Variants in PPM1H observed in about 807,000 individuals in gnomAD.
The protein encoded by PPM1H is protein phosphatase 1H.
PPM1H carries 27 observed loss-of-function variants against 54.9 expected under a neutral mutation model. That is an observed-to-expected ratio of 0.49 (90% confidence interval 0.36 to 0.68). PPM1H has a LOEUF of 0.68. Ranked by LOEUF, PPM1H falls within the 30% of genes least tolerant of loss-of-function variation. The pLI, the probability that PPM1H is intolerant of heterozygous loss-of-function variation, is 0.00. For synonymous variants in PPM1H, 305 were observed against 270.8 expected, an observed-to-expected ratio of 1.13 and a Z score of -1.24; for missense variants, 596 against 667.8, an observed-to-expected ratio of 0.89 and a Z score of 1.19.
At chr12:62,896,814 G>A (rs918230411) in intron 1 of PPM1H, among the ~76,000 whole-genome samples, 19 of 152,038 alleles carry the variant, frequency 1.2e-4, no homozygotes, top group African/African-American at 3.9e-4. Flanking sequence ...TGTTTATTGC[G>A]GCACTATTCA....
intron 4 of PPM1H, among the ~76,000 whole-genome samples, chr12:62,778,886 A>G (rs1452040799): frequency 1.3e-5 from 2 of 152,016 alleles, no homozygotes; most frequent in Admixed American, 6.6e-5. Flanking sequence ...AGCTATGACC[A>G]TGCTACTGCA....
At chr12:62,885,450 C>G (rs763433395) in intron 1 of PPM1H, among the ~76,000 whole-genome samples, 1 of 152,176 alleles carries the variant, frequency 6.6e-6, no homozygotes, top group Non-Finnish European at 1.5e-5. Context: ...CTGGGATAAA[C>G]TCCCTTTTGA....
chr12:62,824,536 C>A (rs1385046432), intron 2 of PPM1H, among the ~76,000 whole-genome samples: 1 of 152,176 alleles, frequency 6.6e-6, no homozygotes, highest in Non-Finnish European at 1.5e-5. Flanking sequence ...CAGCATGGTA[C>A]TGGTACCAAA....
chr12:62,722,071 C>T lies in PPM1H; in HGVS notation c.955-1782G>A, dbSNP rs113046741. On this transcript the variant is annotated intron_variant, in intron 5 of 9. Transcript: ENST00000228705. The stretch of plus-strand genomic sequence containing the variant: ...ACTAAGCAGAGCACTAAACTAAGCA[C>T]GGCACCCTCCGCGACCGCACAAGTC... Among the ~76,000 whole-genome samples the T allele has an allele frequency of 2.1e-3, 315 of 152,192 alleles. 2 individuals are homozygous for T. The highest frequency in any genetic ancestry group is 7.0e-3 in the African/African-American group (292 of 41,510).
chr12:62,915,385 C>T (rs976200010), intron 1 of PPM1H, among the ~76,000 whole-genome samples: 8 of 152,218 alleles, frequency 5.3e-5, no homozygotes, highest in Non-Finnish European at 7.3e-5. Flanking sequence ...CTGCTCCCTG[C>T]GTGGTTCAAT....
At position 62,801,865 on chromosome 12, in the gene PPM1H, G is replaced by A; in HGVS notation, c.707C>T (p.Pro236Leu). 1 of 1,613,936 alleles carries A rather than the reference G, an allele frequency of 6.2e-7. No homozygotes were observed. The highest frequency in any genetic ancestry group is 8.5e-7 in the Non-Finnish European group (1 of 1,179,832). Residue 236 changes from proline to leucine, a missense_variant, in exon 3 of 10, where the codon CCC (proline) becomes CTC (leucine). Around this residue, in one of 3 missense-constraint regions of PPM1H, gnomAD observed 382 missense variants for 387.1 expected, o/e 0.99. Coordinates refer to ENST00000228705, the MANE Select transcript of PPM1H (RefSeq NM_020700.2). ...CGCTCCGATGACCAGGCACTCATGG[G>A]GAATCTTCTTCTCGGTAAAGAAGCG... The part of the protein sequence containing the change: ...PTRFFTEKKI[P>L]HECLVIGALE...
At chr12:62,794,236 C>A (rs2076718627) in intron 3 of PPM1H, among the ~76,000 whole-genome samples, 1 of 152,298 alleles carries the variant, frequency 6.6e-6, no homozygotes, top group East Asian at 1.9e-4. Flanking sequence ...ACAAAGAGAA[C>A]AAAACCAACT....
At chr12:62,676,641 G>T (rs1250409422) in intron 8 of PPM1H, among the ~76,000 whole-genome samples, 1 of 152,178 alleles carries the variant, frequency 6.6e-6, no homozygotes, top group African/African-American at 2.4e-5. Context: ...ACCCGGCTGG[G>T]TGTGTGGGGG....
intron 4 of PPM1H, among the ~76,000 whole-genome samples, chr12:62,742,632 A>C (rs988633837): frequency 3.9e-5 from 6 of 152,218 alleles, no homozygotes; most frequent in African/African-American, 1.4e-4. Flanking sequence ...GCTTTTCCTA[A>C]GGAAAATTAA....
intron 2 of PPM1H, among the ~76,000 whole-genome samples, chr12:62,825,388 T>C (rs1247362957): frequency 1.3e-5 from 2 of 152,208 alleles, no homozygotes; most frequent in Non-Finnish European, 2.9e-5. Flanking sequence ...ACCGGGTATA[T>C]ACCCAAAGGG....
rs573257504 is a variant in PPM1H, at chr12:62,836,233, T to C, written c.246-3954A>G. On this transcript the variant is annotated intron_variant, in intron 1 of 9. Transcript: ENST00000228705. ...TTCCAGTTTACAAAGAGGGAAAGTATTTTTCTGGAAATTAAACTGGAGGTA... is the reference window on the plus strand; with the variant it reads ...TTCCAGTTTACAAAGAGGGAAAGTACTTTTCTGGAAATTAAACTGGAGGTA... Among the ~76,000 whole-genome samples, 5 of 152,340 alleles carry C rather than the reference T, an allele frequency of 3.3e-5. 1 individual carries two copies. The highest frequency in any genetic ancestry group is 1.2e-4 in the African/African-American group (5 of 41,584).
At chr12:62,719,816 G>T (rs866138955) in intron 6 of PPM1H, among the ~76,000 whole-genome samples, 4 of 152,094 alleles carry the variant, frequency 2.6e-5, no homozygotes, top group Non-Finnish European at 5.9e-5. Context: ...AGTCAGTCTG[G>T]CTCAATAAAC....
intron 2 of PPM1H, among the ~76,000 whole-genome samples, chr12:62,813,245 C>A (rs552380793): frequency 2.6e-5 from 4 of 152,302 alleles, no homozygotes; most frequent in African/African-American, 9.6e-5. Context: ...ACGGTTTTGC[C>A]TTCCTTTACT....
chr12:62,762,517 C>G (rs539439194), intron 4 of PPM1H, among the ~76,000 whole-genome samples: 32 of 152,180 alleles, frequency 2.1e-4, no homozygotes, highest in African/African-American at 7.5e-4. Context: ...ATGCATACCC[C>G]GAAAATGATC....
At chr12:62,800,147 T>G (rs1377035368) in intron 3 of PPM1H, among the ~76,000 whole-genome samples, 1 of 152,226 alleles carries the variant, frequency 6.6e-6, no homozygotes, top group East Asian at 1.9e-4. Flanking sequence ...TGAACTATTT[T>G]TGCCTTACAA....
chr12:62,795,946 C>G (rs1050348881), intron 3 of PPM1H, among the ~76,000 whole-genome samples: 1 of 151,716 alleles, frequency 6.6e-6, no homozygotes, highest in Non-Finnish European at 1.5e-5. Context: ...TTAGGCTGGT[C>G]TCGAACTCCT....
At chr12:62,932,010 G>A (rs1032729953) in intron 1 of PPM1H, among the ~76,000 whole-genome samples, 3 of 151,516 alleles carry the variant, frequency 2.0e-5, no homozygotes, top group Non-Finnish European at 2.9e-5. Context: ...AAGTCTGAAA[G>A]CCAAATATCA....
chr12:62,775,245 T>C (rs142559155), intron 4 of PPM1H, among the ~76,000 whole-genome samples: 1 of 152,306 alleles, frequency 6.6e-6, no homozygotes, highest in East Asian at 1.9e-4. Context: ...GTGATTCTGA[T>C]GTACAGGCAA....
At chr12:62,712,741 C>G (rs1366219943) in intron 6 of PPM1H, among the ~76,000 whole-genome samples, 1 of 152,134 alleles carries the variant, frequency 6.6e-6, no homozygotes, top group Admixed American at 6.5e-5. Flanking sequence ...CAGGCATGGC[C>G]AACACATAAA....
Sources: gnomAD v4.1 joint callset for allele counts (sites outside exome capture counted in the v4.1 genomes callset) on GRCh38, gnomAD v4.1.1 for gene constraint, gnomAD v4.1.1 regional missense constraint, MANE v1.5 for transcripts, NCBI Gene and HGNC (gene_info 2026-07-23, HGNC 2026-07-21) for gene names.